The following KCTD16 variants were observed in gnomAD, a reference collection of about 807,000 sequenced individuals.
KCTD16 encodes the protein potassium channel tetramerization domain containing 16, also known as BTB/POZ domain-containing protein KCTD16.
Under a neutral mutation model 33.2 loss-of-function variants are expected in KCTD16, and 13 were observed. That is an observed-to-expected ratio of 0.39 (90% CI 0.25 to 0.62). The LOEUF (loss-of-function observed/expected upper bound fraction) is 0.62, where lower values mean the gene tolerates loss of function less well. KCTD16 is among the 20% of genes least tolerant of loss of function. The pLI, the probability that KCTD16 is intolerant of heterozygous loss-of-function variation, is 0.50. For synonymous variants in KCTD16, 197 were observed against 195.3 expected, an observed-to-expected ratio of 1.01 and a Z score of -0.07; for missense variants, 441 against 525.1, an observed-to-expected ratio of 0.84 and a Z score of 1.57.
At chr5:144,229,039 AC>A (rs974572932) in intron 3 of KCTD16, among the ~76,000 whole-genome samples, 3 of 152,184 alleles carry the variant, frequency 2.0e-5, no homozygotes, top group Admixed American at 6.5e-5. Context: ...TGAAGGACTC[AC>A]TTGAAACAAA....
intron 3 of KCTD16, among the ~76,000 whole-genome samples, chr5:144,362,209 G>A (rs972737252): frequency 2.0e-5 from 3 of 152,090 alleles, no homozygotes; most frequent in Non-Finnish European, 4.4e-5. Flanking sequence ...TAGACCCCAA[G>A]AATTTCAGGG....
chr5:144,449,040 T>C (rs944724185), intron 3 of KCTD16, among the ~76,000 whole-genome samples: 1 of 152,034 alleles, frequency 6.6e-6, no homozygotes, highest in African/African-American at 2.4e-5. Context: ...GAATTATAGG[T>C]GGTTTTAAGA....
At chr5:144,192,043 T>C (rs1267949949) in intron 2 of KCTD16, among the ~76,000 whole-genome samples, 2 of 152,176 alleles carry the variant, frequency 1.3e-5, no homozygotes, top group Non-Finnish European at 2.9e-5. Flanking sequence ...TGGCAGGGTA[T>C]GTCAAGTTGG....
Position 144,476,139 on chromosome 5 carries a change from T to C in KCTD16, c.*2025T>C, listed in dbSNP as rs1313458521. On this transcript the variant is annotated 3_prime_UTR_variant, in exon 4 of 4. Transcript: ENST00000512467. Reference sequence around the variant, plus strand: ...GCACATGGCAATACCATCATCCTAATAACAGAAGATCTTGCAAAGAATCAC... The same window carrying C: ...GCACATGGCAATACCATCATCCTAACAACAGAAGATCTTGCAAAGAATCAC... 1.3e-5 allele frequency: 2 copies of C among 152,216 alleles called. No individual in the cohort carries two copies. Among genetic ancestry groups the C allele is most frequent in the Non-Finnish European group, 2.9e-5 (2 of 68,028 alleles). The allele number at this position is 152,216 out of a possible 1,614,324, so 9.4% of individuals were successfully genotyped here. A position where few individuals can be genotyped will look rare whatever the true frequency, so the allele number is the denominator to read the frequency against.
intron 2 of KCTD16, among the ~76,000 whole-genome samples, chr5:144,190,431 G>C (rs994184438): frequency 1.3e-5 from 2 of 152,094 alleles, no homozygotes; most frequent in African/African-American, 4.8e-5. Context: ...TTTCCTTTGT[G>C]CCTATAAGTG....
At chr5:144,436,811 C>A (rs1346084897) in intron 3 of KCTD16, among the ~76,000 whole-genome samples, 4 of 152,092 alleles carry the variant, frequency 2.6e-5, no homozygotes, top group Non-Finnish European at 4.4e-5. Flanking sequence ...TGGTCTCGAA[C>A]TCCTGACCTC....
At chr5:144,361,950 T>TGTGTGTG (rs1282750882) in intron 3 of KCTD16, among the ~76,000 whole-genome samples, 2 of 146,954 alleles carry the variant, frequency 1.4e-5, no homozygotes, top group African/African-American at 5.2e-5. Context: ...GTGTGTGTGA[T>TGTGTGTG]ATATTTATCT....
intron 3 of KCTD16, among the ~76,000 whole-genome samples, chr5:144,334,285 G>A (rs1752425517): frequency 4.6e-5 from 7 of 152,146 alleles, no homozygotes; most frequent in Admixed American, 4.6e-4. Flanking sequence ...ATGGTGTCCT[G>A]GTGGGGTAGA....
At chr5:144,220,060 T>C (rs988467985) in intron 3 of KCTD16, among the ~76,000 whole-genome samples, 11 of 152,202 alleles carry the variant, frequency 7.2e-5, no homozygotes, top group Admixed American at 2.6e-4. Context: ...GCCCCTTCTT[T>C]AGGCACTCAT....
At chr5:144,186,822 A>G (rs751006616) in intron 2 of KCTD16, among the ~76,000 whole-genome samples, 16 of 152,224 alleles carry the variant, frequency 1.1e-4, no homozygotes, top group Non-Finnish European at 2.1e-4. Flanking sequence ...TCTCAGCTGA[A>G]TAATGAAGAC....
chr5:144,409,678 T>C (rs527591268), intron 3 of KCTD16, among the ~76,000 whole-genome samples: 8 of 151,964 alleles, frequency 5.3e-5, no homozygotes, highest in Non-Finnish European at 1.2e-4. Flanking sequence ...GCCAACATTG[T>C]GAAACCCCAT....
At position 144,479,926 on chromosome 5, in the gene KCTD16, A is replaced by G. The variant is rs980185498; in HGVS notation, c.*5812A>G. The G allele has an allele frequency of 6.6e-6, 1 of 151,892 alleles. No individual in the cohort carries two copies. The highest frequency in any genetic ancestry group is 2.4e-5 in the African/African-American group (1 of 41,402). The allele number at this position is 151,892 out of a possible 1,614,324, so 9.4% of individuals were successfully genotyped here. A position where few individuals can be genotyped will look rare whatever the true frequency, so the allele number is the denominator to read the frequency against. ...TTAATCAGCTTTGTAAAACACTTAT[A>G]TGCCAACCAGAGGGTTTATTAAGTC... On this transcript the variant is annotated 3_prime_UTR_variant, in exon 4 of 4. Transcript: ENST00000512467.
At chr5:144,282,289 G>T (rs1314355755) in intron 3 of KCTD16, among the ~76,000 whole-genome samples, 1 of 152,152 alleles carries the variant, frequency 6.6e-6, no homozygotes, top group Non-Finnish European at 1.5e-5. Context: ...AGCTAAACAT[G>T]GGAGATTCTT....
chr5:144,193,539 C>G (rs1486021753), intron 2 of KCTD16, among the ~76,000 whole-genome samples: 1 of 151,998 alleles, frequency 6.6e-6, no homozygotes, highest in Non-Finnish European at 1.5e-5. Flanking sequence ...TAAATATTAC[C>G]TATTCTATTT....
chr5:144,453,766 G>T (rs762684725), intron 3 of KCTD16, among the ~76,000 whole-genome samples: 1 of 152,072 alleles, frequency 6.6e-6, no homozygotes, highest in Non-Finnish European at 1.5e-5. Flanking sequence ...TGACATAGAA[G>T]AGGGCTGCCT....
intron 3 of KCTD16, among the ~76,000 whole-genome samples, chr5:144,237,128 C>G (rs1754275712): frequency 6.6e-6 from 1 of 152,016 alleles, no homozygotes; most frequent in South Asian, 2.1e-4. Context: ...TTCTGGGTCC[C>G]TACCCAGAAT....
chr5:144,305,673 G>A (rs1751585585), intron 3 of KCTD16, among the ~76,000 whole-genome samples: 1 of 152,058 alleles, frequency 6.6e-6, no homozygotes, highest in South Asian at 2.1e-4. Context: ...AATTAGCTGG[G>A]CATGGTGGTG....
intron 3 of KCTD16, among the ~76,000 whole-genome samples, chr5:144,207,798 A>G (rs148704657): frequency 2.0e-5 from 3 of 152,254 alleles, no homozygotes; most frequent in African/African-American, 7.2e-5. Context: ...TATATGCAAT[A>G]TGTAAAATGG....
intron 3 of KCTD16, among the ~76,000 whole-genome samples, chr5:144,225,358 T>C (rs1364558409): frequency 1.3e-5 from 2 of 152,160 alleles, no homozygotes; most frequent in African/African-American, 4.8e-5. Flanking sequence ...CACACAGAAC[T>C]TCTGGGATAC....
Sources: gnomAD v4.1 joint callset for allele counts (sites outside exome capture counted in the v4.1 genomes callset) on GRCh38, gnomAD v4.1.1 for gene constraint, MANE v1.5 for transcripts, NCBI Gene and HGNC (gene_info 2026-07-23, HGNC 2026-07-21) for gene names.